Variants in CNOT4 observed in about 807,000 individuals in gnomAD.
CNOT4 encodes the protein CCR4-NOT transcription complex subunit 4.
Under a neutral mutation model 73.8 loss-of-function variants are expected in CNOT4, and 8 were observed. The ratio of observed to expected loss-of-function variants is 0.11; its 90% CI spans 0.06 to 0.20. CNOT4 has a LOEUF of 0.20. Ranked by LOEUF, CNOT4 falls within the 10% of genes least tolerant of loss-of-function variation. The pLI is 1.00. For missense variants in CNOT4, 564 were observed against 883.4 expected (o/e 0.64, Z 4.58); for synonymous variants, 293 against 321.1 (o/e 0.91, Z 0.94).
At position 135,459,270 on chromosome 7, in the gene CNOT4, CAGAT is replaced by C. The variant is rs556142849; in HGVS notation, c.-92-20851_-92-20848del. 4.5e-3 allele frequency among the ~76,000 whole-genome samples: 681 copies of C among 151,192 alleles called. 11 individuals are homozygous for C. The highest frequency in any genetic ancestry group is 0.016 in the African/African-American group (655 of 41,466). ...AACGTTCCCTAAACCATGCTGTAAACAGATAGGCTGTCAGCCAGGCTTCCTACCA... is the reference window on the plus strand; with the variant it reads ...AACGTTCCCTAAACCATGCTGTAAACAGGCTGTCAGCCAGGCTTCCTACCA... On this transcript the variant is annotated intron_variant, in intron 1 of 11. Transcript: ENST00000541284.
chr7:135,455,890 C>T (rs1800496826), intron 1 of CNOT4, among the ~76,000 whole-genome samples: 1 of 152,042 alleles, frequency 6.6e-6, no homozygotes, highest in Admixed American at 6.6e-5. Context: ...ACAAAAAAGA[C>T]TAAAACATAT....
At chr7:135,413,928 A>C (rs1349291339) in intron 5 of CNOT4, among the ~76,000 whole-genome samples, 1 of 152,030 alleles carries the variant, frequency 6.6e-6, no homozygotes. Context: ...ACACATAAGA[A>C]GGCAAATTCC....
In CNOT4 at chr7:135,385,991, T is replaced by C. The variant is rs377005843; in HGVS notation, c.1627+7927A>G. Among the ~76,000 whole-genome samples, 5 of 152,120 alleles carry C rather than the reference T, an allele frequency of 3.3e-5. No individual in the cohort carries two copies. The East Asian group carries it at 5.8e-4, about 18-fold the overall frequency. On this transcript the variant is annotated intron_variant, in intron 10 of 11. Transcript: ENST00000541284. ...TAACACATGGAAAACCAAAATTCAA[T>C]AATAGAATGAAAAGGAAAGCATTAT... is the stretch of plus-strand genomic sequence containing the variant.
intron 10 of CNOT4, among the ~76,000 whole-genome samples, chr7:135,376,373 T>A (rs548816521): frequency 1.1e-4 from 17 of 152,350 alleles, no homozygotes; most frequent in East Asian, 3.9e-4. Context: ...TTTTAATTTT[T>A]ATTTTTTTAA....
At position 135,364,235 on chromosome 7, in the gene CNOT4, A is replaced by G. The variant is rs1323658796; in HGVS notation, c.1628-169T>C. 1.3e-5 allele frequency among the ~76,000 whole-genome samples: 2 copies of G among 152,212 alleles called. No homozygotes were observed. The highest frequency in any genetic ancestry group is 2.9e-5 in the Non-Finnish European group (2 of 68,030). ...AAACTTGGTTAGGATTTTGCTCGTGAGCTCAGAGCCCCTGAAGTGAGGAAA... is the reference window on the plus strand; with the variant it reads ...AAACTTGGTTAGGATTTTGCTCGTGGGCTCAGAGCCCCTGAAGTGAGGAAA... On this transcript the variant is annotated intron_variant, in intron 10 of 11. Coordinates refer to ENST00000541284, the MANE Select transcript of CNOT4 (RefSeq NM_001190850.2). The surrounding 1 kb of genome is among the most constrained non-coding windows in gnomAD (Gnocchi z 4.3).
chr7:135,432,970 T>C (rs1327667284), intron 2 of CNOT4, among the ~76,000 whole-genome samples: 2 of 152,226 alleles, frequency 1.3e-5, no homozygotes, highest in Non-Finnish European at 2.9e-5. Context: ...TTTGGTATTC[T>C]GGTATTTCCA....
At chr7:135,399,939 A>G (rs1796913864) in intron 7 of CNOT4, among the ~76,000 whole-genome samples, 1 of 152,138 alleles carries the variant, frequency 6.6e-6, no homozygotes, top group African/African-American at 2.4e-5. Context: ...AAGTACAAAC[A>G]AACATCAGCC....
chr7:135,450,104 G>T (rs1234300020), intron 1 of CNOT4, among the ~76,000 whole-genome samples: 1 of 152,116 alleles, frequency 6.6e-6, no homozygotes, highest in Non-Finnish European at 1.5e-5. Context: ...CCAGCTACTT[G>T]GGAAACTGAG....
rs200820015 is a variant in CNOT4 at position 135,436,017 on chromosome 7, CT to C, written c.174+2140del. Among the ~76,000 whole-genome samples, 196 of 144,832 alleles carry C rather than the reference CT, an allele frequency of 1.4e-3. 1 individual carries two copies. Among genetic ancestry groups the C allele is most frequent in the East Asian group, 0.01 (52 of 5,018 alleles). On this transcript the variant is annotated intron_variant, in intron 2 of 11. Transcript: ENST00000541284. ...CTAGGATCCTGAAGCACTCCCATTCCTTTTTTTTTTTTAAGCAGTTTTCTCT... is the reference window on the plus strand; with the variant it reads ...CTAGGATCCTGAAGCACTCCCATTCCTTTTTTTTTTTAAGCAGTTTTCTCT...
At chr7:135,453,777 G>T (rs1800323283) in intron 1 of CNOT4, among the ~76,000 whole-genome samples, 2 of 133,680 alleles carry the variant, frequency 1.5e-5, no homozygotes, top group African/African-American at 2.7e-5. Flanking sequence ...CATATATATG[G>T]ATACAAAAAT....
At chr7:135,485,625 T>C (rs1233774700) in intron 1 of CNOT4, among the ~76,000 whole-genome samples, 2 of 152,044 alleles carry the variant, frequency 1.3e-5, no homozygotes, top group African/African-American at 4.8e-5. Flanking sequence ...TTCGCAATGA[T>C]GCACAAGCAA....
chr7:135,477,349 A>G (rs1171785964), intron 1 of CNOT4, among the ~76,000 whole-genome samples: 1 of 152,040 alleles, frequency 6.6e-6, no homozygotes, highest in African/African-American at 2.4e-5. Flanking sequence ...GTCTCAAAAA[A>G]AAAAAAAATT....
intron 2 of CNOT4, among the ~76,000 whole-genome samples, chr7:135,434,643 T>A (rs1459235875): frequency 4.6e-5 from 7 of 152,174 alleles, no homozygotes; most frequent in Admixed American, 4.6e-4. Flanking sequence ...ATGTTATAAA[T>A]AACACACTAT....
At chr7:135,382,918 C>T (rs957294127) in intron 10 of CNOT4, among the ~76,000 whole-genome samples, 6 of 152,232 alleles carry the variant, frequency 3.9e-5, no homozygotes, top group Middle Eastern at 3.4e-3. Context: ...TGACAGTATA[C>T]GGTATCTTCA....
intron 10 of CNOT4, chr7:135,387,343 T>C (rs1796170602): frequency 7.1e-6 from 7 of 985,146 alleles, no homozygotes; most frequent in Non-Finnish European, 8.4e-6. Flanking sequence ...TATCTAAGAA[T>C]AGATTTTTGT....
intron 10 of CNOT4, among the ~76,000 whole-genome samples, chr7:135,380,135 A>AC (rs1795762815): frequency 6.6e-6 from 1 of 152,150 alleles, no homozygotes; most frequent in African/African-American, 2.4e-5. Context: ...AAAAAAAAAA[A>AC]AACAAAAAAA....
intron 10 of CNOT4, chr7:135,389,032 G>T: frequency 2.7e-6 from 2 of 728,194 alleles, no homozygotes; most frequent in Non-Finnish European, 4.3e-6. Context: ...TGTGAAACAA[G>T]ACATGAATTT....
intron 10 of CNOT4, chr7:135,388,288 C>T: frequency 3.0e-6 from 3 of 985,100 alleles, no homozygotes; most frequent in Non-Finnish European, 3.6e-6. Context: ...AAAACAATCG[C>T]CAACAATATC....
At chr7:135,430,870 T>G (rs1382043247) in intron 2 of CNOT4, among the ~76,000 whole-genome samples, 1 of 152,214 alleles carries the variant, frequency 6.6e-6, no homozygotes, top group East Asian at 1.9e-4. Flanking sequence ...ACTTAATGCC[T>G]TCCTGCTAAG....
Sources: gnomAD v4.1 joint callset for allele counts (sites outside exome capture counted in the v4.1 genomes callset) on GRCh38, gnomAD v4.1.1 for gene constraint, Gnocchi (gnomAD v3.1) non-coding constraint, MANE v1.5 for transcripts, NCBI Gene and HGNC (gene_info 2026-07-23, HGNC 2026-07-21) for gene names.